Variants in SPOCK1 observed in about 807,000 individuals in gnomAD.
SPOCK1 encodes the protein SPARC (osteonectin), cwcv and kazal like domains proteoglycan 1.
Under a neutral mutation model 55.3 loss-of-function variants are expected in SPOCK1, and 23 were observed. The observed-to-expected ratio is 0.42, with a 90% CI of 0.30 to 0.59. SPOCK1 has a LOEUF of 0.59. Among genes scored for constraint, SPOCK1 ranks in the 20% least tolerant of loss-of-function variants. The pLI is 0.22. For synonymous variants in SPOCK1, 226 were observed against 221.0 expected (o/e 1.02, Z -0.20); for missense variants, 499 against 552.5 (o/e 0.90, Z 0.97).
At chr5:137,188,292 T>C (rs999897402) in intron 3 of SPOCK1, among the ~76,000 whole-genome samples, 1 of 152,248 alleles carries the variant, frequency 6.6e-6, no homozygotes, top group Non-Finnish European at 1.5e-5. Context: ...CTTTGCTTAT[T>C]GAACTTCTCA....
chr5:137,002,482 CA>C (rs34057217), intron 6 of SPOCK1, among the ~76,000 whole-genome samples: 28,978 of 136,568 alleles, frequency 0.21, 2,952 homozygotes, highest in Non-Finnish European at 0.26. Context: ...ACTCTGGGGC[CA>C]AAAAAAAAAA....
In SPOCK1 at chr5:137,352,006, C is replaced by T. The variant is rs1030914190; in HGVS notation, c.187-84951G>A. On this transcript the variant is annotated intron_variant, in intron 2 of 10. Coordinates refer to ENST00000394945, the MANE Select transcript of SPOCK1 (RefSeq NM_004598.4). The stretch of plus-strand genomic sequence containing the variant: ...CTGTAAGCAAGGATATGGACAGAGA[C>T]TCAAAGGGCTCCAGCTCTGGAATCA... Among the ~76,000 whole-genome samples, 4 of 152,150 alleles carry T rather than the reference C, an allele frequency of 2.6e-5. 1 individual carries two copies. Among genetic ancestry groups the T allele is most frequent in the Admixed American group, 2.6e-4 (4 of 15,284 alleles).
intron 3 of SPOCK1, among the ~76,000 whole-genome samples, chr5:137,186,532 T>C (rs995497721): frequency 3.9e-4 from 60 of 152,342 alleles, no homozygotes; most frequent in Non-Finnish European, 7.9e-4. Context: ...AACTTTCCTC[T>C]AGCTTCACAA....
intron 2 of SPOCK1, among the ~76,000 whole-genome samples, chr5:137,316,458 T>G (rs995378818): frequency 6.6e-6 from 1 of 152,210 alleles, no homozygotes; most frequent in Non-Finnish European, 1.5e-5. Flanking sequence ...TGATATCATG[T>G]GATTCAAGGA....
chr5:137,462,078 G>A lies in SPOCK1; in HGVS notation c.186+36295C>T, dbSNP rs565327407. ...TAACGCCCAACCTGTGCCTGCACCTGCTGGCAGTTAAAGCCTTAAGCGAGA... is the reference window on the plus strand; with the variant it reads ...TAACGCCCAACCTGTGCCTGCACCTACTGGCAGTTAAAGCCTTAAGCGAGA... On this transcript the variant is annotated intron_variant, in intron 2 of 10. Coordinates refer to ENST00000394945, the MANE Select transcript of SPOCK1 (RefSeq NM_004598.4). 1.2e-4 allele frequency among the ~76,000 whole-genome samples: 19 copies of A among 152,322 alleles called. No individual in the cohort carries two copies. The South Asian group carries it at 3.7e-3, about 30-fold the overall frequency.
chr5:137,367,766 C>T (rs1444625950), intron 2 of SPOCK1, among the ~76,000 whole-genome samples: 1 of 152,232 alleles, frequency 6.6e-6, no homozygotes, highest in African/African-American at 2.4e-5. Flanking sequence ...TTGGAACCAA[C>T]ACCATTTAGG....
At chr5:137,265,413 A>C in intron 3 of SPOCK1, among the ~76,000 whole-genome samples, 1 of 152,214 alleles carries the variant, frequency 6.6e-6, no homozygotes, top group East Asian at 1.9e-4. Context: ...CTGTCAATTG[A>C]GTTACCTTTG....
At chr5:137,160,510 C>T (rs867190183) in intron 3 of SPOCK1, among the ~76,000 whole-genome samples, 37 of 62,746 alleles carry the variant, frequency 5.9e-4, no homozygotes, top group South Asian at 1.1e-3. Flanking sequence ...TATATATATA[C>T]ACATATATAT....
chr5:137,363,661 T>A (rs1216053023), intron 2 of SPOCK1, among the ~76,000 whole-genome samples: 1 of 152,218 alleles, frequency 6.6e-6, no homozygotes, highest in African/African-American at 2.4e-5. Flanking sequence ...TAGATTTGTC[T>A]TATCCATCAT....
intron 6 of SPOCK1, among the ~76,000 whole-genome samples, chr5:137,019,904 T>G (rs974908895): frequency 6.6e-6 from 1 of 151,972 alleles, no homozygotes; most frequent in South Asian, 2.1e-4. Context: ...CCCATATCAA[T>G]AATGCCATAT....
chr5:137,266,619 G>T (rs919063899), intron 3 of SPOCK1, among the ~76,000 whole-genome samples: 1 of 152,126 alleles, frequency 6.6e-6, no homozygotes, highest in African/African-American at 2.4e-5. Flanking sequence ...CCTTTTTCTA[G>T]AAAGAAAGTT....
chr5:137,092,130 G>A (rs540909035), intron 5 of SPOCK1, among the ~76,000 whole-genome samples: 2 of 152,266 alleles, frequency 1.3e-5, no homozygotes, highest in South Asian at 2.1e-4. Context: ...GTCAGGCATT[G>A]TACAAGATTC....
chr5:137,196,643 T>C (rs1353379443), intron 3 of SPOCK1, among the ~76,000 whole-genome samples: 6 of 152,258 alleles, frequency 3.9e-5, no homozygotes, highest in African/African-American at 1.2e-4. Context: ...CCTGACTGCC[T>C]CCAACTATAT....
intron 4 of SPOCK1, among the ~76,000 whole-genome samples, chr5:137,123,464 C>A (rs902082523): frequency 2.6e-5 from 4 of 152,170 alleles, no homozygotes; most frequent in Non-Finnish European, 5.9e-5. Flanking sequence ...TTATCACTGG[C>A]CACTTTGGGC....
intron 2 of SPOCK1, chr5:137,313,699 C>T (rs1474887252): frequency 1.3e-5 from 2 of 157,594 alleles, no homozygotes; most frequent in Non-Finnish European, 2.7e-5. Flanking sequence ...GGAGGCCACC[C>T]TACCCTACCC....
chr5:137,048,833 C>A (rs1752148391), intron 6 of SPOCK1, among the ~76,000 whole-genome samples: 1 of 79,796 alleles, frequency 1.3e-5, no homozygotes, highest in Non-Finnish European at 2.5e-5. Context: ...TAGGGCAGGC[C>A]TGGTGGTGAC....
At chr5:137,039,299 G>A (rs10052523) in intron 6 of SPOCK1, among the ~76,000 whole-genome samples, 3 of 98,008 alleles carry the variant, frequency 3.1e-5, no homozygotes, top group Non-Finnish European at 6.2e-5. Flanking sequence ...TTTTTTTTTT[G>A]TTGTTGCAAC....
intron 2 of SPOCK1, among the ~76,000 whole-genome samples, chr5:137,279,251 C>G (rs1435866288): frequency 6.6e-6 from 1 of 152,234 alleles, no homozygotes; most frequent in African/African-American, 2.4e-5. Flanking sequence ...AACAACTACC[C>G]TTACCCTCTT....
chr5:137,079,493 A>T (rs1052945485), intron 5 of SPOCK1, among the ~76,000 whole-genome samples: 1 of 151,106 alleles, frequency 6.6e-6, no homozygotes, highest in Non-Finnish European at 1.5e-5. Flanking sequence ...AGTCCAACAG[A>T]TGGAAAGCTT....
Sources: allele counts gnomAD v4.1 joint callset (sites outside exome capture counted in the v4.1 genomes callset), GRCh38; gene constraint gnomAD v4.1.1; transcripts MANE v1.5; gene names NCBI Gene and HGNC (gene_info 2026-07-23, HGNC 2026-07-21).